Variants in PIEZO2 observed in about 807,000 individuals in gnomAD.
PIEZO2 encodes the protein piezo type mechanosensitive ion channel component 2.
A neutral mutation model predicts 337.3 loss-of-function variants in PIEZO2; 172 were observed. The ratio of observed to expected loss-of-function variants is 0.51; its 90% CI spans 0.45 to 0.58. PIEZO2 has a LOEUF of 0.58. PIEZO2 is among the 20% of genes least tolerant of loss of function. The pLI is 0.00. For synonymous variants in PIEZO2, 1,251 were observed against 1,228.5 expected (o/e 1.02, Z -0.38); for missense variants, 3,028 against 3,391.3 (o/e 0.89, Z 2.66).
chr18:10,840,873 A>G (rs1485574719), intron 7 of PIEZO2, among the ~76,000 whole-genome samples: 3 of 152,200 alleles, frequency 2.0e-5, no homozygotes, highest in African/African-American at 7.2e-5. Flanking sequence ...TGCCCAGTGA[A>G]TTTTAATTGA....
In PIEZO2 at chr18:10,847,587, A is replaced by C. The variant is rs2041406894; in HGVS notation, c.917+7766T>G. On this transcript the variant is annotated intron_variant, in intron 7 of 55. Transcript: ENST00000674853. This position sits in a 1 kb window ranked among gnomAD's most constrained non-coding sequence, Gnocchi z 5.7. The stretch of plus-strand genomic sequence containing the variant: ...TCATTGCCCTGGGATCCCGGTCCCC[A>C]CTACACCCACGTAGGCCCCCAAACG... Among the ~76,000 whole-genome samples, 1 of 152,134 alleles carries C rather than the reference A, an allele frequency of 6.6e-6. No homozygotes were observed. Among genetic ancestry groups the C allele is most frequent in the South Asian group, 2.1e-4 (1 of 4,826 alleles).
rs558484421 is a variant in PIEZO2 at position 11,039,494 on chromosome 18, C to T, written c.160+26633G>A. Among the ~76,000 whole-genome samples, 5 of 152,248 alleles carry T rather than the reference C, an allele frequency of 3.3e-5. No individual in the cohort carries two copies. The South Asian group carries it at 1.0e-3, about 32-fold the overall frequency. ...TCACAGAACAGTGGTGCTCTCCTGT[C>T]AAACATTCAAGCAAATATCCTGAAT... On this transcript the variant is annotated intron_variant, in intron 2 of 55. Transcript: ENST00000674853.
intron 2 of PIEZO2, among the ~76,000 whole-genome samples, chr18:11,060,688 C>T (rs1436249146): frequency 3.4e-4 from 51 of 152,194 alleles, no homozygotes; most frequent in Admixed American, 3.3e-3. Flanking sequence ...ACACATACAC[C>T]CTCCCAAGAC....
At chr18:11,044,739 G>C (rs1035008609) in intron 2 of PIEZO2, among the ~76,000 whole-genome samples, 2 of 152,118 alleles carry the variant, frequency 1.3e-5, no homozygotes, top group Non-Finnish European at 2.9e-5. Flanking sequence ...TAGAATTAGC[G>C]AACACTGAAC....
chr18:10,858,463 T>A (rs571000723), intron 5 of PIEZO2, among the ~76,000 whole-genome samples: 2 of 152,218 alleles, frequency 1.3e-5, no homozygotes, highest in South Asian at 2.1e-4. Flanking sequence ...AGACTTCATA[T>A]CTTTAGTCTC....
At chr18:10,812,764 G>T (rs555780076) in intron 7 of PIEZO2, among the ~76,000 whole-genome samples, 1 of 152,176 alleles carries the variant, frequency 6.6e-6, no homozygotes, top group East Asian at 1.9e-4. Context: ...AACATGCGGT[G>T]GTTATGAATT....
chr18:10,684,277 T>C (rs1276394500), intron 49 of PIEZO2, among the ~76,000 whole-genome samples: 3 of 142,884 alleles, frequency 2.1e-5, no homozygotes, highest in Non-Finnish European at 4.5e-5. Context: ...GCCATTCTCC[T>C]GCCTCAGCCT....
intron 7 of PIEZO2, among the ~76,000 whole-genome samples, chr18:10,832,327 AG>A (rs1446964178): frequency 6.6e-6 from 1 of 152,126 alleles, no homozygotes; most frequent in Non-Finnish European, 1.5e-5. Flanking sequence ...ATTTAGGGGA[AG>A]GGGGGGATAT....
rs1250310986 is a variant in PIEZO2 at position 10,940,633 on chromosome 18, G to A, written c.287-29405C>T. ...AATCCCAACACTTCGAGAGGCCCAG[G>A]CGGGCGGCTCACAAGGCCAAGTGAT... On this transcript the variant is annotated intron_variant, in intron 3 of 55. Transcript: ENST00000674853. This position sits in a 1 kb window ranked among gnomAD's most constrained non-coding sequence, Gnocchi z 5.3. 6.6e-6 allele frequency among the ~76,000 whole-genome samples: 1 copy of A among 152,182 alleles called. No homozygotes were observed. The highest frequency in any genetic ancestry group is 1.5e-5 in the Non-Finnish European group (1 of 68,034).
chr18:10,901,876 G>A (rs2043057426), intron 4 of PIEZO2, among the ~76,000 whole-genome samples: 1 of 151,094 alleles, frequency 6.6e-6, no homozygotes, highest in Non-Finnish European at 1.5e-5. Flanking sequence ...CACCTCTTCT[G>A]CTTAATTTCT....
intron 7 of PIEZO2, among the ~76,000 whole-genome samples, chr18:10,812,211 T>C (rs2040215980): frequency 6.6e-6 from 1 of 152,206 alleles, no homozygotes; most frequent in Admixed American, 6.5e-5. Flanking sequence ...GGTAACAAAA[T>C]ATGAAGCAAG....
intron 4 of PIEZO2, among the ~76,000 whole-genome samples, chr18:10,885,460 T>C (rs1419619904): frequency 1.3e-5 from 2 of 152,006 alleles, no homozygotes; most frequent in African/African-American, 4.8e-5. Context: ...AATAAAACAC[T>C]GTATTTGTCA....
chr18:11,137,586 G>T (rs2040524605), intron 1 of PIEZO2, among the ~76,000 whole-genome samples: 1 of 152,180 alleles, frequency 6.6e-6, no homozygotes, highest in South Asian at 2.1e-4. Context: ...TTTCCAACCT[G>T]CATGCTGCCT....
At chr18:10,741,500 A>AT (rs2037216081) in intron 32 of PIEZO2, among the ~76,000 whole-genome samples, 1 of 152,136 alleles carries the variant, frequency 6.6e-6, no homozygotes, top group Non-Finnish European at 1.5e-5. Context: ...AATAAGCAGA[A>AT]TTTTTTCTTG....
chr18:11,045,452 G>A (rs890937928), intron 2 of PIEZO2, among the ~76,000 whole-genome samples: 61 of 152,058 alleles, frequency 4.0e-4, no homozygotes, highest in African/African-American at 1.0e-3. Context: ...ACAGCCTTCC[G>A]GTGCTTGGGA....
At chr18:11,098,646 G>A (rs1262764796) in intron 1 of PIEZO2, among the ~76,000 whole-genome samples, 1 of 151,550 alleles carries the variant, frequency 6.6e-6, no homozygotes, top group Non-Finnish European at 1.5e-5. Flanking sequence ...TCCCCGCCAT[G>A]AAGGCATTCA....
intron 2 of PIEZO2, among the ~76,000 whole-genome samples, chr18:11,065,871 A>G (rs1049598657): frequency 6.6e-6 from 1 of 152,230 alleles, no homozygotes; most frequent in African/African-American, 2.4e-5. Context: ...AAAACATTCC[A>G]GTGATACTGC....
chr18:10,861,344 CA>C lies in PIEZO2; in HGVS notation c.493-4134del, dbSNP rs1289758416. On this transcript the variant is annotated intron_variant, in intron 5 of 55. Transcript: ENST00000674853. This position sits in a 1 kb window ranked among gnomAD's most constrained non-coding sequence, Gnocchi z 4.3. Reference sequence around the variant, plus strand: ...TTAAAAAGTCAAATAAATGATTATACAGATTATTGACCATGTCAAAATCTAA... The same window carrying C: ...TTAAAAAGTCAAATAAATGATTATACGATTATTGACCATGTCAAAATCTAA... 3.3e-5 allele frequency among the ~76,000 whole-genome samples: 5 copies of C among 152,218 alleles called. No individual in the cohort carries two copies. Among genetic ancestry groups the C allele is most frequent in the African/African-American group, 2.4e-5 (1 of 41,466 alleles).
intron 7 of PIEZO2, among the ~76,000 whole-genome samples, chr18:10,829,061 A>G (rs1454346221): frequency 1.3e-5 from 2 of 152,208 alleles, no homozygotes; most frequent in African/African-American, 2.4e-5. Context: ...AAGTTCCTTC[A>G]CATGACTTAT....
Sources: allele counts gnomAD v4.1 joint callset (sites outside exome capture counted in the v4.1 genomes callset), GRCh38; gene constraint gnomAD v4.1.1; non-coding constraint Gnocchi (gnomAD v3.1); transcripts MANE v1.5; gene names NCBI Gene and HGNC (gene_info 2026-07-23, HGNC 2026-07-21).